The following HELZ variants were observed in gnomAD, a reference collection of about 807,000 sequenced individuals.
HELZ encodes helicase with zinc finger, also known as ATP-dependent RNA helicase with zinc finger domain.
Under a neutral mutation model 218.2 loss-of-function variants are expected in HELZ, and 23 were observed. The observed-to-expected ratio is 0.11, with a 90% CI of 0.08 to 0.15. HELZ has a LOEUF of 0.15. Among genes scored for constraint, HELZ ranks in the 10% least tolerant of loss-of-function variants. The pLI is 1.00. For missense variants in HELZ, 1,813 were observed against 2,353.7 expected (o/e 0.77, Z 4.75); for synonymous variants, 814 against 829.4 (o/e 0.98, Z 0.32).
At chr17:67,176,203 A>G (rs2039452015) in intron 13 of HELZ, 1 of 152,322 alleles carries the variant, frequency 6.6e-6, no homozygotes, top group Admixed American at 6.5e-5. Flanking sequence ...TCTTTCCAAC[A>G]TTTTTATACA....
intron 15 of HELZ, among the ~76,000 whole-genome samples, chr17:67,162,347 T>C (rs1299415576): frequency 1.3e-5 from 2 of 152,172 alleles, no homozygotes; most frequent in East Asian, 3.8e-4. Context: ...ACTTTGACCA[T>C]GTAATCATGC....
chr17:67,229,456 G>A (rs2040979583), intron 3 of HELZ, among the ~76,000 whole-genome samples: 1 of 152,102 alleles, frequency 6.6e-6, no homozygotes, highest in African/African-American at 2.4e-5. Context: ...GAATTAATTG[G>A]CCTCTGAATC....
chr17:67,080,093 G>A (rs1290628853), intron 32 of HELZ, among the ~76,000 whole-genome samples: 1 of 152,004 alleles, frequency 6.6e-6, no homozygotes, highest in African/African-American at 2.4e-5. Flanking sequence ...GAATCTTTAA[G>A]GGTTTCCTGT....
At chr17:67,222,886 C>G (rs1029236854) in intron 3 of HELZ, among the ~76,000 whole-genome samples, 1 of 152,012 alleles carries the variant, frequency 6.6e-6, no homozygotes, top group South Asian at 2.1e-4. Context: ...TAGGACACAT[C>G]GATACATCTG....
chr17:67,087,196 T>A (rs2036421119), intron 31 of HELZ, 115 bp from the exon 32 acceptor site: 1 of 962,386 alleles, frequency 1.0e-6, no homozygotes, highest in Non-Finnish European at 1.6e-6. Context: ...AAGAATATAC[T>A]GTGACTGTGA....
chr17:67,230,595 CAAA>C (rs376918246), intron 3 of HELZ, among the ~76,000 whole-genome samples: 2 of 111,416 alleles, frequency 1.8e-5, no homozygotes. Context: ...GACTCCATCT[CAAA>C]AAAAAAAAAA....
chr17:67,162,354 A>T (rs1429921759), intron 15 of HELZ, among the ~76,000 whole-genome samples: 1 of 152,176 alleles, frequency 6.6e-6, no homozygotes, highest in Non-Finnish European at 1.5e-5. Context: ...CCATGTAATC[A>T]TGCCAATATT....
rs567465352 is a variant in HELZ at position 67,156,200 on chromosome 17, A to AT, written c.2177+4060dup. ...CCTTTTGTAATAGTGTATGCATGTG[A>AT]TTTTTTAATAAATATAAATACTAAT... On this transcript the variant is annotated intron_variant, in intron 17 of 32. Transcript: ENST00000358691. Among the ~76,000 whole-genome samples the AT allele has an allele frequency of 1.3e-3, 196 of 152,038 alleles. 1 individual carries two copies. The highest frequency in any genetic ancestry group is 2.3e-3 in the Non-Finnish European group (156 of 67,964).
chr17:67,123,141 T>C lies in HELZ; in HGVS notation c.3459A>G (p.Val1153=), dbSNP rs376986730. 1 of 1,612,348 alleles carries C rather than the reference T, an allele frequency of 6.2e-7. No homozygotes were observed. The highest frequency in any genetic ancestry group is 1.1e-5 in the South Asian group (1 of 90,918). Residue 1153 remains valine (V), a synonymous_variant, in exon 26 of 33, where the codon GTA becomes GTG. Coordinates refer to ENST00000358691, the MANE Select transcript of HELZ (RefSeq NM_014877.4). ...ATGCTCTAATAGGATTGCCAATAAG[T>C]ACAGAAGGATTGGGCTGAACTGAAA... ...NDGIVQPNPS[V]LIGNPIRAYT... is the part of the protein sequence containing the mutation.
At chr17:67,152,765 T>C (rs62074260) in intron 17 of HELZ, among the ~76,000 whole-genome samples, 2 of 108,620 alleles carry the variant, frequency 1.8e-5, no homozygotes, top group Non-Finnish European at 3.7e-5. Context: ...TAAGAGTAGA[T>C]TTAAAAAAAA....
At chr17:67,114,628 A>G (rs2037377114) in intron 27 of HELZ, among the ~76,000 whole-genome samples, 1 of 152,242 alleles carries the variant, frequency 6.6e-6, no homozygotes. Context: ...GCAAAGCCTA[A>G]TAAGGGAAAA....
intron 3 of HELZ, 25 bp from the exon 4 acceptor site, chr17:67,218,847 A>G (rs1473713214): frequency 6.4e-7 from 1 of 1,551,458 alleles, no homozygotes; most frequent in Non-Finnish European, 8.9e-7. Context: ...AAAGAACAAG[A>G]GAAGGTTTTT....
chr17:67,116,165 CAA>C (rs1235952531), intron 27 of HELZ, among the ~76,000 whole-genome samples: 2 of 150,468 alleles, frequency 1.3e-5, no homozygotes, highest in African/African-American at 4.9e-5. Flanking sequence ...AATAATAAAA[CAA>C]AGAGTTGTCA....
rs780643597 is a variant in HELZ at position 67,109,519 on chromosome 17, G to A, written c.4086C>T (p.Pro1362=). Residue 1362 remains proline, a synonymous_variant, in exon 29 of 33, where the codon CCC becomes CCT. Transcript: ENST00000358691. ...QYAIPNRHFH[P]LPQLPRPPFP... is the part of the protein sequence containing the mutation. ...AGGGTGGTCTTGGTAGCTGGGGAAG[G>A]GGATGAAAGTGGCGATTAGGGATTG... The A allele has an allele frequency of 6.2e-7, 1 of 1,614,134 alleles. No individual in the cohort carries two copies. Among genetic ancestry groups the A allele is most frequent in the South Asian group, 1.1e-5 (1 of 91,084 alleles).
At chr17:67,115,043 G>A (rs1170930934) in intron 27 of HELZ, among the ~76,000 whole-genome samples, 1 of 152,138 alleles carries the variant, frequency 6.6e-6, no homozygotes, top group East Asian at 1.9e-4. Context: ...AGGAATCCTT[G>A]ATTTAGGTTC....
Position 67,145,862 on chromosome 17 carries a change from T to C in HELZ, c.2650A>G (p.Lys884Glu), listed in dbSNP as rs771623817. 6.2e-7 allele frequency: 1 copy of C among 1,613,762 alleles called. No homozygotes were observed. ...NYTSELFYEG[K>E]LMASGKQPAH... ...GGCTGCTTCCCACTGGCCATCAGTT[T>C]GCCCTCATAGAAAAGCTCAGAGGTA... The change falls in exon 21 of 33, where the codon AAA (lysine) becomes GAA (glutamate). Residue 884 changes from lysine to glutamate, a missense_variant. Around this residue, in one of 4 missense-constraint regions of HELZ, gnomAD observed 156 missense variants for 274.4 expected, o/e 0.57. Transcript: ENST00000358691.
chr17:67,242,790 CTAAG>C (rs1364406844), intron 2 of HELZ, among the ~76,000 whole-genome samples: 1 of 149,206 alleles, frequency 6.7e-6, no homozygotes, highest in Non-Finnish European at 1.5e-5. Context: ...CCTTCCTTTC[CTAAG>C]TTTTTATTTT....
At chr17:67,234,059 A>AAAGAG (rs1555629327) in intron 3 of HELZ, among the ~76,000 whole-genome samples, 8 of 148,566 alleles carry the variant, frequency 5.4e-5, no homozygotes, top group Admixed American at 4.0e-4. Flanking sequence ...AAAAAAAAAA[A>AAAGAG]AGAGAGAGAG....
At chr17:67,080,820 TC>T (rs1405270299) in intron 32 of HELZ, among the ~76,000 whole-genome samples, 1 of 151,736 alleles carries the variant, frequency 6.6e-6, no homozygotes, top group Non-Finnish European at 1.5e-5. Flanking sequence ...CTGGGATGAG[TC>T]CTGAAGGATT....
Sources: gnomAD v4.1 joint callset for allele counts (sites outside exome capture counted in the v4.1 genomes callset) on GRCh38, gnomAD v4.1.1 for gene constraint, gnomAD v4.1.1 regional missense constraint, MANE v1.5 for transcripts, NCBI Gene and HGNC (gene_info 2026-07-23, HGNC 2026-07-21) for gene names.